The following FEZ2 variants were observed in gnomAD, a reference collection of about 807,000 sequenced individuals.
FEZ2 encodes fasciculation and elongation protein zeta 2, also known as fasciculation and elongation protein zeta-2.
FEZ2 carries 51 observed loss-of-function variants against 40.4 expected under a neutral mutation model. That is an observed-to-expected ratio of 1.26 (90% confidence interval 1.01 to 1.59). The LOEUF (loss-of-function observed/expected upper bound fraction) is 1.59. Among genes scored for constraint, FEZ2 ranks in the 40% most tolerant of loss-of-function variants. FEZ2 has a pLI of 0.00. For synonymous variants in FEZ2, 242 were observed against 172.0 expected, an observed-to-expected ratio of 1.41 and a Z score of -3.18; for missense variants, 640 against 438.3, an observed-to-expected ratio of 1.46 and a Z score of -4.11.
chr2:36,574,470 T>A (rs995673017), intron 5 of FEZ2, among the ~76,000 whole-genome samples: 2 of 151,212 alleles, frequency 1.3e-5, no homozygotes, highest in Middle Eastern at 6.9e-3. Flanking sequence ...AAAACAGAGA[T>A]AGGCATGAAA....
At chr2:36,567,229 A>G (rs947210754) in intron 5 of FEZ2, among the ~76,000 whole-genome samples, 19 of 152,092 alleles carry the variant, frequency 1.2e-4, no homozygotes, top group African/African-American at 3.9e-4. Flanking sequence ...TCGTTTCACC[A>G]TATCATGAGG....
At position 36,578,778 on chromosome 2, in the gene FEZ2, T is replaced by C; in HGVS notation, c.722A>G (p.Gln241Arg). 6.2e-7 allele frequency: 1 copy of C among 1,614,018 alleles called. No homozygotes were observed. Among genetic ancestry groups the C allele is most frequent in the Admixed American group, 1.7e-5 (1 of 60,030 alleles). The change falls in exon 5 of 8, where the codon CAG (glutamine) becomes CGG (arginine). Residue 241 changes from glutamine (Q) to arginine (R), a missense_variant. Coordinates refer to ENST00000405912, the MANE Select transcript of FEZ2 (RefSeq NM_005102.3). The stretch of plus-strand genomic sequence containing the variant: ...CAGTTCATCTCGTAAAGCCAACTGC[T>C]GCACCAGCTCCTCAGAGTACTCCTT... The part of the protein sequence containing the change: ...AIKEYSEELV[Q>R]QLALRDELEF...
At chr2:36,560,696 G>C (rs1448706265) in intron 5 of FEZ2, 17 of 751,736 alleles carry the variant, frequency 2.3e-5, no homozygotes, top group Non-Finnish European at 3.8e-5. Flanking sequence ...AATGGTCTTA[G>C]TAAATTAGTA....
At chr2:36,597,412 T>A (rs1669258088) in intron 1 of FEZ2, among the ~76,000 whole-genome samples, 1 of 152,234 alleles carries the variant, frequency 6.6e-6, no homozygotes, top group African/African-American at 2.4e-5. Context: ...TGTTTACAAA[T>A]CTATCTCCCA....
chr2:36,554,401 T>C (rs1430768815), intron 7 of FEZ2: 1 of 448,520 alleles, frequency 2.2e-6, no homozygotes, highest in Admixed American at 2.5e-5. Flanking sequence ...CTGGCCCTCA[T>C]AGAGGCCTAG....
chr2:36,582,330 G>A (rs977673678), intron 3 of FEZ2, among the ~76,000 whole-genome samples: 1 of 151,956 alleles, frequency 6.6e-6, no homozygotes, highest in Non-Finnish European at 1.5e-5. Flanking sequence ...TTCCACCAAG[G>A]AAAAACAAAG....
chr2:36,587,953 C>A (rs1224212387), intron 2 of FEZ2, among the ~76,000 whole-genome samples: 6 of 152,182 alleles, frequency 3.9e-5, no homozygotes, highest in Non-Finnish European at 2.9e-5. Flanking sequence ...CCAGAATAGT[C>A]ATGTCACAAC....
chr2:36,558,828 G>GT (rs1257305943), intron 5 of FEZ2: 2 of 188,318 alleles, frequency 1.1e-5, no homozygotes, highest in Non-Finnish European at 2.2e-5. Context: ...TTAAAGTGAA[G>GT]TATTATCTCA....
chr2:36,593,915 A>G (rs1669142381), intron 1 of FEZ2, among the ~76,000 whole-genome samples: 1 of 151,820 alleles, frequency 6.6e-6, no homozygotes, highest in Non-Finnish European at 1.5e-5. Flanking sequence ...CCCTTATAAA[A>G]CTGAATACGT....
chr2:36,564,221 C>T (rs552586593), intron 5 of FEZ2, among the ~76,000 whole-genome samples: 1 of 152,144 alleles, frequency 6.6e-6, no homozygotes, highest in Non-Finnish European at 1.5e-5. Flanking sequence ...GACATCTGTA[C>T]CTATTGTATG....
chr2:36,580,973 G>A (rs558761858), intron 4 of FEZ2, among the ~76,000 whole-genome samples: 29 of 152,046 alleles, frequency 1.9e-4, no homozygotes, highest in Non-Finnish European at 3.4e-4. Context: ...CCAACATGAC[G>A]AAACCCCGTC....
intron 7 of FEZ2, 143 bp downstream of exon 7, chr2:36,555,540 A>C: frequency 2.1e-6 from 1 of 476,142 alleles, no homozygotes; most frequent in Non-Finnish European, 3.8e-6. Context: ...GAAGTCAGTC[A>C]TGTAGCTAAT....
intron 4 of FEZ2, chr2:36,579,193 GAACA>G: frequency 4.8e-6 from 1 of 209,306 alleles, no homozygotes; most frequent in Admixed American, 6.0e-5. Flanking sequence ...ACACGGAAAA[GAACA>G]AACACAAAAG....
chr2:36,558,362 A>T (rs1328253199), intron 6 of FEZ2, 76 bp downstream of exon 6: 2 of 851,970 alleles, frequency 2.3e-6, no homozygotes, highest in East Asian at 2.8e-5. Context: ...TAACAACAAA[A>T]TCAGCCAACT....
At chr2:36,576,843 T>C (rs904320967) in intron 5 of FEZ2, among the ~76,000 whole-genome samples, 2 of 152,248 alleles carry the variant, frequency 1.3e-5, no homozygotes, top group African/African-American at 2.4e-5. Context: ...CCTTTTTACA[T>C]GGGAGTTACA....
At chr2:36,555,996 T>C (rs746491800) in intron 6 of FEZ2, 4 of 616,332 alleles carry the variant, frequency 6.5e-6, no homozygotes, top group South Asian at 1.5e-5. Flanking sequence ...GCTTCCCTGA[T>C]TTAAAATTTC....
chr2:36,572,215 C>G (rs1668438191), intron 5 of FEZ2, among the ~76,000 whole-genome samples: 1 of 152,106 alleles, frequency 6.6e-6, no homozygotes, highest in Non-Finnish European at 1.5e-5. Flanking sequence ...GGGATTCAGA[C>G]ACACACAGCA....
At chr2:36,554,934 A>G (rs1278610996) in intron 7 of FEZ2, among the ~76,000 whole-genome samples, 1 of 152,204 alleles carries the variant, frequency 6.6e-6, no homozygotes, top group Non-Finnish European at 1.5e-5. Flanking sequence ...CACTACAAAG[A>G]TGCATTTTGT....
intron 5 of FEZ2, chr2:36,560,802 A>T: frequency 6.2e-7 from 1 of 1,608,830 alleles, no homozygotes; most frequent in Non-Finnish European, 8.5e-7. Flanking sequence ...TCTCCACCTG[A>T]ATTTCCAAAG....
Sources: gnomAD v4.1 joint callset for allele counts (sites outside exome capture counted in the v4.1 genomes callset) on GRCh38, gnomAD v4.1.1 for gene constraint, MANE v1.5 for transcripts, NCBI Gene and HGNC (gene_info 2026-07-23, HGNC 2026-07-21) for gene names.